The following PLCH1 variants were observed in gnomAD, a reference collection of about 807,000 sequenced individuals.
The protein encoded by PLCH1 is 1-phosphatidylinositol 4,5-bisphosphate phosphodiesterase eta-1.
A neutral mutation model predicts 126.7 loss-of-function variants in PLCH1; 60 were observed. The ratio of observed to expected loss-of-function variants is 0.47; its 90% CI spans 0.38 to 0.59. PLCH1 has a LOEUF of 0.59. PLCH1 is among the 20% of genes least tolerant of loss of function. The probability of loss-of-function intolerance (pLI) is 0.00; values close to 1 mark genes in which losing one functional copy is unlikely to be tolerated. For missense variants in PLCH1, 1,723 were observed against 2,040.0 expected (o/e 0.84, Z 2.99); for synonymous variants, 719 against 734.9 (o/e 0.98, Z 0.35).
chr3:155,692,164 A>C (rs1261978661), intron 2 of PLCH1, among the ~76,000 whole-genome samples: 1 of 152,210 alleles, frequency 6.6e-6, no homozygotes, highest in African/African-American at 2.4e-5. Context: ...TATTAAAGGA[A>C]ATATGAAATA....
At chr3:155,603,184 T>A (rs1030368621) in intron 2 of PLCH1, among the ~76,000 whole-genome samples, 6 of 151,982 alleles carry the variant, frequency 3.9e-5, no homozygotes, top group African/African-American at 1.5e-4. Flanking sequence ...TGCAAGACAA[T>A]CTTTTTAGTA....
chr3:155,626,574 C>T (rs1737278462), intron 2 of PLCH1, among the ~76,000 whole-genome samples: 1 of 151,806 alleles, frequency 6.6e-6, no homozygotes, highest in South Asian at 2.1e-4. Flanking sequence ...TCGAGACCAT[C>T]CTGGCTAAAA....
intron 11 of PLCH1, among the ~76,000 whole-genome samples, chr3:155,520,679 ATC>A (rs1720967760): frequency 6.6e-6 from 1 of 152,184 alleles, no homozygotes; most frequent in African/African-American, 2.4e-5. Flanking sequence ...ACAGAATCAA[ATC>A]TGTTAGATTA....
At chr3:155,556,606 A>C (rs1250965736) in intron 8 of PLCH1, among the ~76,000 whole-genome samples, 1 of 152,254 alleles carries the variant, frequency 6.6e-6, no homozygotes. Flanking sequence ...TGTTCTGTGA[A>C]GATATTTTAA....
chr3:155,468,538 G>T (rs567350040), intron 21 of PLCH1, among the ~76,000 whole-genome samples: 4 of 152,040 alleles, frequency 2.6e-5, no homozygotes, highest in African/African-American at 4.8e-5. Flanking sequence ...GAAAATAAAC[G>T]GATGGAAAAA....
intron 15 of PLCH1, among the ~76,000 whole-genome samples, chr3:155,496,174 A>G (rs1045059112): frequency 1.4e-4 from 21 of 152,202 alleles, no homozygotes; most frequent in African/African-American, 5.1e-4. Flanking sequence ...CAAAAAAATT[A>G]AAAAGACAAA....
rs1270053196 is a variant in PLCH1, at chr3:155,480,196, C to T, written c.*772G>A. On this transcript the variant is annotated 3_prime_UTR_variant, in exon 23 of 23. Coordinates refer to ENST00000460012, the MANE Select transcript of PLCH1 (RefSeq NM_014996.4). ...GTCCCTCATTCTGAAAGCCGTTGTT[C>T]GCAGTCTGTAATTCAATCAGAAAAT... 2.0e-5 allele frequency: 3 copies of T among 152,580 alleles called. No homozygotes were observed. The East Asian group carries it at 5.8e-4, about 29-fold the overall frequency. The allele number at this position is 152,580 out of a possible 1,614,324, so 9.5% of individuals were successfully genotyped here.
intron 11 of PLCH1, among the ~76,000 whole-genome samples, chr3:155,522,586 C>T (rs916962336): frequency 2.6e-5 from 4 of 152,144 alleles, no homozygotes; most frequent in African/African-American, 7.2e-5. Flanking sequence ...ATAATGCCAG[C>T]TCATTTTCAC....
chr3:155,669,428 A>C (rs1392194404), intron 2 of PLCH1, among the ~76,000 whole-genome samples: 1 of 152,138 alleles, frequency 6.6e-6, no homozygotes, highest in Non-Finnish European at 1.5e-5. Flanking sequence ...AAATACAAAA[A>C]TTAGCCAGAC....
intron 11 of PLCH1, among the ~76,000 whole-genome samples, chr3:155,518,369 G>A (rs553725515): frequency 1.3e-5 from 2 of 152,226 alleles, no homozygotes; most frequent in Admixed American, 6.5e-5. Flanking sequence ...CAGGCAGAAA[G>A]GTTCAGCCAC....
chr3:155,601,935 A>C (rs1353168814), intron 2 of PLCH1, among the ~76,000 whole-genome samples: 1 of 152,184 alleles, frequency 6.6e-6, no homozygotes, highest in African/African-American at 2.4e-5. Flanking sequence ...ATGTAAATAA[A>C]ATCATATAAT....
Position 155,481,550 on chromosome 3 carries a change from T to C in PLCH1, c.4476A>G (p.Ser1492=). The C allele has an allele frequency of 1.2e-6, 2 of 1,614,202 alleles. No individual in the cohort carries two copies. Among genetic ancestry groups the C allele is most frequent in the South Asian group, 1.1e-5 (1 of 91,086 alleles). ...CKSKSLGDLT[S]EDIACNFESK... ...TCTCAAAATTGCAGGCAATGTCCTCTGATGTTAAGTCCCCCAGACTTTTGG... is the reference window on the plus strand; with the variant it reads ...TCTCAAAATTGCAGGCAATGTCCTCCGATGTTAAGTCCCCCAGACTTTTGG... Residue 1492 remains serine (S), a synonymous_variant, in exon 23 of 23, where the codon TCA becomes TCG. Transcript: ENST00000460012. The surrounding 1 kb of genome is among the most constrained non-coding windows in gnomAD (Gnocchi z 4.2).
At chr3:155,463,647 C>T (rs1048388887) in intron 21 of PLCH1, among the ~76,000 whole-genome samples, 2 of 152,122 alleles carry the variant, frequency 1.3e-5, no homozygotes, top group Non-Finnish European at 2.9e-5. Context: ...AGATGAGATG[C>T]ACTATGTACA....
At chr3:155,464,913 A>G (rs1027533514) in intron 21 of PLCH1, among the ~76,000 whole-genome samples, 8 of 152,142 alleles carry the variant, frequency 5.3e-5, no homozygotes, top group African/African-American at 1.9e-4. Flanking sequence ...GATCGAGACC[A>G]TACTGGCTAA....
chr3:155,535,359 C>T (rs1010801664), intron 10 of PLCH1, among the ~76,000 whole-genome samples: 1 of 152,198 alleles, frequency 6.6e-6, no homozygotes, highest in Non-Finnish European at 1.5e-5. Flanking sequence ...CCTGAAAGGC[C>T]AGCTTGCTTT....
intron 8 of PLCH1, among the ~76,000 whole-genome samples, chr3:155,560,024 T>C (rs1407659412): frequency 1.3e-5 from 2 of 152,120 alleles, no homozygotes; most frequent in Non-Finnish European, 2.9e-5. Flanking sequence ...GACAGAAACA[T>C]GGTTAGGCTT....
rs762617416 is a variant in PLCH1 at position 155,497,429 on chromosome 3, C to G, written c.1797-12G>C. 3 of 1,571,486 alleles carry G rather than the reference C, an allele frequency of 1.9e-6. No individual in the cohort carries two copies. The highest frequency in any genetic ancestry group is 2.6e-6 in the Non-Finnish European group (3 of 1,141,434). ...TTCGGCGACCCAATCTGTGAAGTACCCACAGAGGATGCATGACATTTTGGA... is the reference window on the plus strand; with the variant it reads ...TTCGGCGACCCAATCTGTGAAGTACGCACAGAGGATGCATGACATTTTGGA... On this transcript the variant is annotated splice_polypyrimidine_tract_variant and intron_variant, in intron 14 of 22. Coordinates refer to ENST00000460012, the MANE Select transcript of PLCH1 (RefSeq NM_014996.4).
Position 155,596,224 on chromosome 3 carries a change from T to C in PLCH1, c.226+8A>G, listed in dbSNP as rs772397657. ...CAGCCAAGCAAAGAATTCAAAGATT[T>C]GTTTTACTTTTTGCCTTCTCACTCT... On this transcript the variant is annotated splice_region_variant and intron_variant, in intron 3 of 22. Coordinates refer to ENST00000460012, the MANE Select transcript of PLCH1 (RefSeq NM_014996.4). 6 of 1,610,048 alleles carry C rather than the reference T, an allele frequency of 3.7e-6. No homozygotes were observed. In the South Asian group the frequency reaches 5.5e-5, roughly 15 times the overall value.
intron 2 of PLCH1, among the ~76,000 whole-genome samples, chr3:155,681,956 C>G (rs1306196919): frequency 6.6e-6 from 1 of 152,188 alleles, no homozygotes; most frequent in Non-Finnish European, 1.5e-5. Flanking sequence ...ACTAATCTTT[C>G]ATCAAAATCC....
Sources: allele counts gnomAD v4.1 joint callset (sites outside exome capture counted in the v4.1 genomes callset), GRCh38; gene constraint gnomAD v4.1.1; non-coding constraint Gnocchi (gnomAD v3.1); transcripts MANE v1.5; gene names NCBI Gene and HGNC (gene_info 2026-07-23, HGNC 2026-07-21).